Variants in SLC24A2 observed in about 807,000 individuals in gnomAD.
SLC24A2 encodes sodium/potassium/calcium exchanger 2.
A neutral mutation model predicts 62.0 loss-of-function variants in SLC24A2; 36 were observed. The observed-to-expected ratio is 0.58, with a 90% CI of 0.44 to 0.77. The LOEUF (loss-of-function observed/expected upper bound fraction) is 0.77. SLC24A2 is among the 30% of genes least tolerant of loss of function. The pLI, the probability that SLC24A2 is intolerant of heterozygous loss-of-function variation, is 0.00. For synonymous variants in SLC24A2, 358 were observed against 294.0 expected (o/e 1.22, Z -2.23); for missense variants, 846 against 817.9 (o/e 1.03, Z -0.42).
At chr9:20,279,200 G>A in the SLC24A2 span, among the ~76,000 whole-genome samples, 2 of 152,174 alleles carry the variant, frequency 1.3e-5, no homozygotes, top group Non-Finnish European at 2.9e-5. Flanking sequence ...ATGAGATTTG[G>A]ATGGGGACAC....
intron 2 of SLC24A2, among the ~76,000 whole-genome samples, chr9:19,639,117 C>T (rs1818429233): frequency 1.5e-5 from 1 of 66,740 alleles, no homozygotes; most frequent in Non-Finnish European, 3.1e-5. Context: ...GGTTTTTTCC[C>T]CCAACAACAA....
chr9:19,742,652 G>C (rs1821714480), intron 2 of SLC24A2, among the ~76,000 whole-genome samples: 1 of 152,162 alleles, frequency 6.6e-6, no homozygotes, highest in Non-Finnish European at 1.5e-5. Flanking sequence ...CTGGTCTTCT[G>C]ATTCAGGGCC....
the SLC24A2 span, among the ~76,000 whole-genome samples, chr9:20,116,709 T>C: frequency 6.6e-6 from 1 of 152,152 alleles, no homozygotes; most frequent in East Asian, 1.9e-4. Flanking sequence ...GGAATGTGTA[T>C]AAATGAGAGA....
chr9:20,084,656 AAGT>A, the SLC24A2 span, among the ~76,000 whole-genome samples: 2 of 152,042 alleles, frequency 1.3e-5, no homozygotes. Flanking sequence ...CTGACCATGA[AAGT>A]AGTCTGGCTG....
At chr9:19,763,239 A>C (rs1019356461) in intron 2 of SLC24A2, among the ~76,000 whole-genome samples, 1 of 152,170 alleles carries the variant, frequency 6.6e-6, no homozygotes, top group African/African-American at 2.4e-5. Context: ...GGTTTTCTAA[A>C]TATACAATCG....
rs535244782 is a variant in SLC24A2, at chr9:19,679,524, A to G, written c.931-57225T>C. 1.5e-3 allele frequency among the ~76,000 whole-genome samples: 227 copies of G among 152,088 alleles called. 1 individual carries two copies. The highest frequency in any genetic ancestry group is 2.7e-3 in the Non-Finnish European group (184 of 68,016). On this transcript the variant is annotated intron_variant, in intron 2 of 10. Transcript: ENST00000341998. ...GGTGTGTCTGTGAAGGGGTTTTTGG[A>G]AGGGATTAGCATTTGACTCAGTAGA...
At chr9:20,077,899 A>G in the SLC24A2 span, among the ~76,000 whole-genome samples, 1 of 152,124 alleles carries the variant, frequency 6.6e-6, no homozygotes, top group Non-Finnish European at 1.5e-5. Flanking sequence ...TCCCTTCCCA[A>G]GTGACAGGAA....
At chr9:19,748,615 T>C (rs1424005310) in intron 2 of SLC24A2, among the ~76,000 whole-genome samples, 2 of 152,164 alleles carry the variant, frequency 1.3e-5, no homozygotes, top group African/African-American at 2.4e-5. Flanking sequence ...TCCAGCAATA[T>C]TGGTCAGTCC....
chr9:20,059,434 G>A, the SLC24A2 span, among the ~76,000 whole-genome samples: 1 of 152,048 alleles, frequency 6.6e-6, no homozygotes, highest in Non-Finnish European at 1.5e-5. Flanking sequence ...TTAAAAGATT[G>A]AAATCTTACA....
chr9:20,046,918 CT>C, the SLC24A2 span, among the ~76,000 whole-genome samples: 1 of 152,002 alleles, frequency 6.6e-6, no homozygotes, highest in Non-Finnish European at 1.5e-5. Flanking sequence ...ACCCAGGATT[CT>C]TTTTTTTCCC....
the SLC24A2 span, among the ~76,000 whole-genome samples, chr9:20,047,196 G>C: frequency 6.6e-6 from 1 of 152,154 alleles, no homozygotes; most frequent in Admixed American, 6.5e-5. Context: ...ACAGGACCTA[G>C]CATTTGAGAA....
the SLC24A2 span, among the ~76,000 whole-genome samples, chr9:20,252,084 G>A: frequency 6.6e-6 from 1 of 152,126 alleles, no homozygotes; most frequent in Non-Finnish European, 1.5e-5. Context: ...TATTTCAGTT[G>A]GAACAGATGT....
At chr9:20,167,979 GC>G in the SLC24A2 span, among the ~76,000 whole-genome samples, 1 of 151,782 alleles carries the variant, frequency 6.6e-6, no homozygotes, top group African/African-American at 2.4e-5. Flanking sequence ...TGGAAAGAAA[GC>G]CTTGGCACTC....
the SLC24A2 span, among the ~76,000 whole-genome samples, chr9:20,258,929 T>C: frequency 6.6e-6 from 1 of 152,040 alleles, no homozygotes; most frequent in Non-Finnish European, 1.5e-5. Context: ...TGGAAAGCCC[T>C]AACTAAAACA....
chr9:19,544,046 A>G (rs1369402050), intron 8 of SLC24A2, among the ~76,000 whole-genome samples: 1 of 152,072 alleles, frequency 6.6e-6, no homozygotes, highest in Non-Finnish European at 1.5e-5. Context: ...ATCTCCCACT[A>G]TTATTGTGTG....
chr9:20,012,826 T>C, the SLC24A2 span, among the ~76,000 whole-genome samples: 863 of 152,166 alleles, frequency 5.7e-3, 8 homozygotes, highest in Middle Eastern at 0.024. Context: ...ATTAAATACT[T>C]AGGTGTAAAT....
At chr9:20,284,293 A>T in the SLC24A2 span, among the ~76,000 whole-genome samples, 2,273 of 136,520 alleles carry the variant, frequency 0.017, 55 homozygotes, top group African/African-American at 0.059. Flanking sequence ...TTTTTTTTTT[A>T]AAGAGATGGG....
chr9:20,268,391 G>C, the SLC24A2 span, among the ~76,000 whole-genome samples: 1 of 152,250 alleles, frequency 6.6e-6, no homozygotes, highest in East Asian at 1.9e-4. Context: ...AGAGGTGATT[G>C]AGTCATGTGG....
chr9:19,713,884 C>G (rs1213730800), intron 2 of SLC24A2, among the ~76,000 whole-genome samples: 2 of 151,920 alleles, frequency 1.3e-5, no homozygotes, highest in Non-Finnish European at 1.5e-5. Flanking sequence ...TGTAAATATT[C>G]AAAAGAAATT....
Sources: gnomAD v4.1 joint callset for allele counts (sites outside exome capture counted in the v4.1 genomes callset) on GRCh38, gnomAD v4.1.1 for gene constraint, MANE v1.5 for transcripts, NCBI Gene and HGNC (gene_info 2026-07-23, HGNC 2026-07-21) for gene names.